ATAD2B: variants seen among roughly 807,000 people sequenced by gnomAD.
The protein encoded by ATAD2B is ATPase family AAA domain-containing protein 2B.
In ATAD2B, 40 loss-of-function variants were observed where a neutral mutation model predicts 167.6. The ratio of observed to expected loss-of-function variants is 0.24; its 90% confidence interval spans 0.19 to 0.31. The LOEUF (loss-of-function observed/expected upper bound fraction) is 0.31, where lower values mean the gene tolerates loss of function less well. ATAD2B is among the 10% of genes least tolerant of loss of function. ATAD2B has a pLI of 1.00. For synonymous variants in ATAD2B, 579 were observed against 596.5 expected, an observed-to-expected ratio of 0.97 and a Z score of 0.43; for missense variants, 1,242 against 1,757.2, an observed-to-expected ratio of 0.71 and a Z score of 5.24.
the ATAD2B span, among the ~76,000 whole-genome samples, chr2:23,712,202 AG>A: frequency 6.6e-6 from 1 of 152,158 alleles, no homozygotes; most frequent in African/African-American, 2.4e-5. Context: ...AGCCCCTCCA[AG>A]TCTGCCTGGA....
chr2:23,692,615 T>G, the ATAD2B span, among the ~76,000 whole-genome samples: 1 of 152,018 alleles, frequency 6.6e-6, no homozygotes, highest in East Asian at 1.9e-4. Context: ...CGCGCACAGA[T>G]GGGCCTCCAG....
chr2:23,696,496 C>T, the ATAD2B span: 29 of 1,531,678 alleles, frequency 1.9e-5, no homozygotes, highest in Admixed American at 8.0e-5. This position sits in a 1 kb window ranked among gnomAD's most constrained non-coding sequence, Gnocchi z 5.5. Flanking sequence ...TGGCAGGCAA[C>T]GTGGACCACG....
chr2:23,718,766 AG>A, the ATAD2B span, among the ~76,000 whole-genome samples: 1 of 152,240 alleles, frequency 6.6e-6, no homozygotes, highest in Admixed American at 6.5e-5. Flanking sequence ...TGGAGGCTCT[AG>A]GGAAGAATCC....
At chr2:23,798,404 A>T (rs1682934671) in intron 18 of ATAD2B, 81 bp from the exon 19 acceptor site, 2 of 1,129,532 alleles carry the variant, frequency 1.8e-6, no homozygotes, top group South Asian at 3.6e-5. Context: ...AATACATGAA[A>T]TATGTCAGGC....
intron 13 of ATAD2B, chr2:23,855,859 A>G (rs1022792358): frequency 6.6e-6 from 1 of 152,242 alleles, no homozygotes; most frequent in Non-Finnish European, 1.5e-5. Flanking sequence ...ATTGCACTCC[A>G]GCCTAGGTAA....
chr2:23,895,723 A>T, intron 2 of ATAD2B, 96 bp downstream of exon 2: 1 of 822,324 alleles, frequency 1.2e-6, no homozygotes. Flanking sequence ...TTTACAAGAT[A>T]CTTATTTTAT....
At chr2:23,741,046 T>C in the ATAD2B span, among the ~76,000 whole-genome samples, 1 of 151,930 alleles carries the variant, frequency 6.6e-6, no homozygotes, top group African/African-American at 2.4e-5. Context: ...CTCAATGAAA[T>C]AAAAGAGGAT....
At position 23,750,889 on chromosome 2, in the gene ATAD2B, G is replaced by A. The variant is rs1490426354; in HGVS notation, c.*1157C>T. The A allele has an allele frequency of 6.6e-6, 1 of 152,106 alleles. No homozygotes were observed. Among genetic ancestry groups the A allele is most frequent in the Non-Finnish European group, 1.5e-5 (1 of 68,016 alleles). 9.4% of individuals were successfully genotyped at this position (152,106 alleles called of 1,614,324 possible). A position where few individuals can be genotyped will look rare whatever the true frequency, so the allele number is the denominator to read the frequency against. On this transcript the variant is annotated 3_prime_UTR_variant, in exon 28 of 28. Coordinates refer to ENST00000238789, the MANE Select transcript of ATAD2B (RefSeq NM_017552.4). Reference sequence around the variant, plus strand: ...AGAAGAGTTGTGAAGGTAAGCTTAGGAGATGGGATTTAAACATTAATACTG... The same window carrying A: ...AGAAGAGTTGTGAAGGTAAGCTTAGAAGATGGGATTTAAACATTAATACTG...
chr2:23,780,793 G>C (rs1360599292), intron 22 of ATAD2B, among the ~76,000 whole-genome samples: 1 of 152,048 alleles, frequency 6.6e-6, no homozygotes, highest in South Asian at 2.1e-4. Flanking sequence ...CCAGCTACTC[G>C]GGAGGGTGAG....
intron 12 of ATAD2B, among the ~76,000 whole-genome samples, chr2:23,862,184 G>A (rs1318964146): frequency 6.7e-6 from 1 of 149,522 alleles, no homozygotes; most frequent in East Asian, 1.9e-4. Context: ...GTGACAGAGC[G>A]TGACCCTTTC....
At chr2:23,736,596 T>C in the ATAD2B span, among the ~76,000 whole-genome samples, 1 of 152,192 alleles carries the variant, frequency 6.6e-6, no homozygotes, top group Non-Finnish European at 1.5e-5. Flanking sequence ...ACAGCTCCGG[T>C]CTACAGCTCC....
the ATAD2B span, chr2:23,688,765 C>G: frequency 3.9e-5 from 6 of 152,504 alleles, no homozygotes; most frequent in East Asian, 1.2e-3. Context: ...TGCAGTCCCT[C>G]CAAAGCCACA....
chr2:23,678,375 G>A, the ATAD2B span, among the ~76,000 whole-genome samples: 2 of 152,188 alleles, frequency 1.3e-5, no homozygotes, highest in East Asian at 3.8e-4. Context: ...AACTGAATGG[G>A]AGCTATGGCC....
intron 10 of ATAD2B, chr2:23,865,923 A>G (rs1450564825): frequency 7.5e-6 from 7 of 933,346 alleles, no homozygotes; most frequent in Admixed American, 6.2e-5. Flanking sequence ...AATTTTACCC[A>G]AAGTGTTAAC....
At chr2:23,849,911 A>G (rs1478987670) in intron 13 of ATAD2B, among the ~76,000 whole-genome samples, 9 of 152,208 alleles carry the variant, frequency 5.9e-5, no homozygotes, top group Admixed American at 5.9e-4. Flanking sequence ...TATACCATAA[A>G]TGGCAGAATG....
intron 17 of ATAD2B, among the ~76,000 whole-genome samples, chr2:23,812,140 T>C (rs1179608863): frequency 6.6e-6 from 1 of 151,802 alleles, no homozygotes; most frequent in Non-Finnish European, 1.5e-5. Flanking sequence ...AGGGAAAAAA[T>C]TGATACCTGT....
chr2:23,703,053 T>TA, the ATAD2B span: 1 of 578,350 alleles, frequency 1.7e-6, no homozygotes, highest in African/African-American at 2.0e-5. Flanking sequence ...TGCCCCCCAC[T>TA]GCTGGTGTGA....
At chr2:23,689,889 G>GACT in the ATAD2B span, 1 of 152,320 alleles carries the variant, frequency 6.6e-6, no homozygotes, top group Non-Finnish European at 1.5e-5. Flanking sequence ...GACAGCAGAA[G>GACT]ACTAGGTGTG....
At chr2:23,853,735 C>G (rs1026504089) in intron 13 of ATAD2B, among the ~76,000 whole-genome samples, 4 of 152,098 alleles carry the variant, frequency 2.6e-5, no homozygotes, top group African/African-American at 9.7e-5. Context: ...TAATAGATGA[C>G]TACAACAATT....
Sources: allele counts gnomAD v4.1 joint callset (sites outside exome capture counted in the v4.1 genomes callset), GRCh38; gene constraint gnomAD v4.1.1; non-coding constraint Gnocchi (gnomAD v3.1); transcripts MANE v1.5; gene names NCBI Gene and HGNC (gene_info 2026-07-23, HGNC 2026-07-21).